DCBLD1: variants seen among roughly 807,000 people sequenced by gnomAD.
The protein encoded by DCBLD1 is discoidin, CUB and LCCL domain containing 1.
In DCBLD1, 57 loss-of-function variants were observed where a neutral mutation model predicts 71.5. The observed-to-expected ratio is 0.80, with a 90% confidence interval of 0.64 to 0.99. DCBLD1 has a LOEUF of 0.99. Ranked by LOEUF, DCBLD1 falls within the 50% of genes least tolerant of loss-of-function variation. The pLI is 0.00. For missense variants in DCBLD1, 891 were observed against 923.5 expected (o/e 0.96, Z 0.46); for synonymous variants, 380 against 363.8 (o/e 1.04, Z -0.51).
In DCBLD1 at chr6:117,541,009, G is replaced by A. The variant is rs764428662; in HGVS notation, c.1341G>A (p.Ser447=). The change falls in exon 11 of 15, where the codon TCG becomes TCA. Residue 447 remains serine, a synonymous_variant. Transcript: ENST00000338728. ...EDETITRPIP[S]EETSTGINIT... ...AGACAATCACAAGGCCCATCCCCTC[G>A]GAAGAAACATCCACAGGTAGAGCCG... 9.9e-6 allele frequency: 16 copies of A among 1,614,130 alleles called. No individual in the cohort carries two copies. The highest frequency in any genetic ancestry group is 1.7e-4 in the Middle Eastern group (1 of 6,060).
At position 117,568,026 on chromosome 6, in the gene DCBLD1, CAAAAAAAAAA is replaced by C. The variant is rs779227271; in HGVS notation, c.1616-1580_1616-1571del. 1.1e-4 allele frequency among the ~76,000 whole-genome samples: 5 copies of C among 46,656 alleles called. No individual in the cohort carries two copies. In the East Asian group the frequency reaches 2.7e-3, roughly 25 times the overall value. 30.6% of individuals were successfully genotyped at this position (46,656 alleles called of 152,430 possible). On this transcript the variant is annotated intron_variant, in intron 14 of 14. Transcript: ENST00000296955. Reference sequence around the variant, plus strand: ...GGCAACATGGCAAAACCCATCTCTACAAAAAAAAAAAAAAAAAAAAAAATTAGCTGGCCAT... The same window carrying C: ...GGCAACATGGCAAAACCCATCTCTACAAAAAAAAAAAAATTAGCTGGCCAT...
intron 11 of DCBLD1, among the ~76,000 whole-genome samples, chr6:117,541,264 A>G (rs749299963): frequency 3.3e-5 from 5 of 152,178 alleles, no homozygotes; most frequent in Non-Finnish European, 7.3e-5. Flanking sequence ...TATTTTGTGG[A>G]AAAATAAAAC....
chr6:117,487,550 G>A (rs1777133177), intron 1 of DCBLD1, among the ~76,000 whole-genome samples: 1 of 152,104 alleles, frequency 6.6e-6, no homozygotes, highest in Admixed American at 6.5e-5. Context: ...CTTGAGCCTG[G>A]GAGACAGTGG....
intron 2 of DCBLD1, among the ~76,000 whole-genome samples, chr6:117,504,242 C>T (rs1048829659): frequency 3.3e-5 from 5 of 152,038 alleles, no homozygotes; most frequent in African/African-American, 7.2e-5. Context: ...ATTAGAGATA[C>T]GTGACATTTG....
At chr6:117,563,137 C>T in intron 14 of DCBLD1, 1 of 883,038 alleles carries the variant, frequency 1.1e-6, no homozygotes, top group South Asian at 1.6e-5. Flanking sequence ...GAGGTACCCG[C>T]CTTTCATTTA....
At chr6:117,533,252 C>T (rs977646648) in intron 6 of DCBLD1, among the ~76,000 whole-genome samples, 1 of 152,098 alleles carries the variant, frequency 6.6e-6, no homozygotes, top group East Asian at 1.9e-4. Flanking sequence ...AGGTTTTAGG[C>T]GTTTTGGGAT....
intron 1 of DCBLD1, among the ~76,000 whole-genome samples, chr6:117,497,671 A>G (rs1225644586): frequency 1.3e-5 from 2 of 152,114 alleles, no homozygotes; most frequent in African/African-American, 4.8e-5. Context: ...TCTTCTCTTG[A>G]CTGGACTTCT....
intron 6 of DCBLD1, among the ~76,000 whole-genome samples, chr6:117,533,281 A>T (rs961192661): frequency 1.6e-4 from 25 of 152,158 alleles, no homozygotes; most frequent in Admixed American, 1.6e-3. Context: ...GGGGGAAAAA[A>T]TGTCAGGACC....
intron 14 of DCBLD1, among the ~76,000 whole-genome samples, chr6:117,565,384 T>G (rs537017394): frequency 5.4e-4 from 83 of 152,310 alleles, no homozygotes; most frequent in Non-Finnish European, 1.1e-3. Flanking sequence ...TTCTCTGATA[T>G]TATACAAAAA....
chr6:117,566,891 A>C, intron 14 of DCBLD1: 1 of 1,597,910 alleles, frequency 6.3e-7, no homozygotes, highest in Non-Finnish European at 8.5e-7. Context: ...TGTCTTTGCA[A>C]CTAGCACCAG....
At chr6:117,546,383 A>C (rs1285557127) in intron 14 of DCBLD1, among the ~76,000 whole-genome samples, 1 of 152,032 alleles carries the variant, frequency 6.6e-6, no homozygotes, top group Non-Finnish European at 1.5e-5. Context: ...CCTGCAGTAT[A>C]GGCATCACCT....
At chr6:117,542,574 T>G (rs997728587) in intron 11 of DCBLD1, among the ~76,000 whole-genome samples, 3 of 152,148 alleles carry the variant, frequency 2.0e-5, no homozygotes, top group Non-Finnish European at 4.4e-5. Flanking sequence ...TGATGTGGTG[T>G]TTCATGCAAC....
intron 14 of DCBLD1, among the ~76,000 whole-genome samples, 196 bp downstream of exon 14, chr6:117,545,793 CT>C (rs1205473359): frequency 6.6e-6 from 1 of 152,234 alleles, no homozygotes; most frequent in Non-Finnish European, 1.5e-5. Context: ...TTCAGCCAGT[CT>C]TTTCACCTGC....
intron 3 of DCBLD1, among the ~76,000 whole-genome samples, chr6:117,520,458 A>G (rs1778349132): frequency 6.6e-6 from 1 of 152,114 alleles, no homozygotes; most frequent in Non-Finnish European, 1.5e-5. Flanking sequence ...CGAAGTCTTC[A>G]CTATTCTCTG....
Position 117,537,217 on chromosome 6 carries a change from C to T in DCBLD1, c.752C>T (p.Thr251Ile), listed in dbSNP as rs778861826. 7 of 1,613,802 alleles carry T rather than the reference C, an allele frequency of 4.3e-6. No individual in the cohort carries two copies. Among genetic ancestry groups the T allele is most frequent in the East Asian group, 2.2e-5 (1 of 44,870 alleles). Residue 251 changes from threonine to isoleucine, a missense_variant, in exon 7 of 15, where the codon ACC becomes ATC. Transcript: ENST00000338728. ...GSLSDKRFLFTSNGCSRSLSF... is the reference protein window; with the variant it reads ...GSLSDKRFLFISNGCSRSLSF... The stretch of plus-strand genomic sequence containing the variant: ...CTGTCAGACAAGCGATTTCTGTTTA[C>T]CTCCAATGGTAAGGATCATGCTTTC...
intron 9 of DCBLD1, 132 bp downstream of exon 9, chr6:117,539,511 A>T: frequency 9.3e-7 from 1 of 1,075,506 alleles, no homozygotes; most frequent in Non-Finnish European, 1.3e-6. Context: ...CATGCCTGTA[A>T]TCCCCAAGCT....
At chr6:117,563,494 G>T in intron 14 of DCBLD1, 1 of 992,370 alleles carries the variant, frequency 1.0e-6, no homozygotes, top group Non-Finnish European at 1.5e-6. Flanking sequence ...GGCCAAGGTG[G>T]GTGGATAACC....
chr6:117,509,941 T>C (rs767159558), intron 2 of DCBLD1, among the ~76,000 whole-genome samples: 2 of 152,248 alleles, frequency 1.3e-5, no homozygotes, highest in Non-Finnish European at 2.9e-5. Flanking sequence ...TTTATTTACT[T>C]CACTGCCACT....
At chr6:117,487,298 A>G (rs1777122136) in intron 1 of DCBLD1, among the ~76,000 whole-genome samples, 1 of 152,080 alleles carries the variant, frequency 6.6e-6, no homozygotes, top group African/African-American at 2.4e-5. Flanking sequence ...TGAAAACACA[A>G]TTCCTGCCCT....
Sources: gnomAD v4.1 joint callset for allele counts (sites outside exome capture counted in the v4.1 genomes callset) on GRCh38, gnomAD v4.1.1 for gene constraint, MANE v1.5 for transcripts, NCBI Gene and HGNC (gene_info 2026-07-23, HGNC 2026-07-21) for gene names.